YJEFN3: variants seen among roughly 807,000 people sequenced by gnomAD.
YJEFN3 encodes the protein YjeF N-terminal domain containing 3.
Under a neutral mutation model 31.5 loss-of-function variants are expected in YJEFN3, and 29 were observed. The observed-to-expected ratio is 0.92, with a 90% CI of 0.69 to 1.26. YJEFN3 has a LOEUF of 1.26. YJEFN3 is among the 50% of genes most tolerant of loss of function. YJEFN3 has a pLI of 0.00. For missense variants in YJEFN3, 442 were observed against 425.4 expected (o/e 1.04, Z -0.34); for synonymous variants, 227 against 196.1 (o/e 1.16, Z -1.32).
Position 19,537,411 on chromosome 19 carries a change from T to C in YJEFN3, c.787T>C (p.Phe263Leu), listed in dbSNP as rs545964787. Residue 263 changes from phenylalanine to leucine, a missense_variant, in exon 7 of 7, where the codon TTC (phenylalanine) becomes CTC (leucine). Phe to Leu is a conservative substitution (Grantham distance 22). Coordinates refer to ENST00000514277, the MANE Select transcript of YJEFN3 (RefSeq NM_198537.4). ...LAAPKRCAGR[F>L]SGRHHFVAGR... ...GGCGCCCAAGCGCTGCGCTGGCCGC[T>C]TCTCCGGGCGCCACCACTTCGTGGC... The C allele has an allele frequency of 1.4e-4, 215 of 1,592,074 alleles. 8 individuals carry two copies. The highest frequency in any genetic ancestry group is 1.3e-3 in the South Asian group (114 of 89,492).
chr19:19,529,597 G>C, intron 2 of YJEFN3, 84 bp downstream of exon 2: 1 of 1,545,686 alleles, frequency 6.5e-7, no homozygotes, highest in Non-Finnish European at 8.7e-7. Flanking sequence ...TGGGACCCCA[G>C]GCAAGGCTGT....
At chr19:19,531,000 C>G (rs186643873) in intron 2 of YJEFN3, among the ~76,000 whole-genome samples, 1 of 152,286 alleles carries the variant, frequency 6.6e-6, no homozygotes, top group East Asian at 1.9e-4. Flanking sequence ...ATACCAGGCT[C>G]CTCCCCACCC....
At chr19:19,530,674 C>T (rs2144655352) in intron 2 of YJEFN3, among the ~76,000 whole-genome samples, 1 of 152,250 alleles carries the variant, frequency 6.6e-6, no homozygotes, top group Admixed American at 6.5e-5. Flanking sequence ...GCAAACGCAC[C>T]TCCTATGTGC....
In YJEFN3 at chr19:19,529,964, T is replaced by C. The variant is rs550132751; in HGVS notation, c.209+451T>C. Among the ~76,000 whole-genome samples, 72 of 152,294 alleles carry C rather than the reference T, an allele frequency of 4.7e-4. 1 individual carries two copies. The Middle Eastern group carries it at 0.01, about 22-fold the overall frequency. Reference sequence around the variant, plus strand: ...GTGATGCAATCTGGTGTTCGAGTTTTCAAAGCCCCCCCAGGCTCATGTTGA... The same window carrying C: ...GTGATGCAATCTGGTGTTCGAGTTTCCAAAGCCCCCCCAGGCTCATGTTGA... On this transcript the variant is annotated intron_variant, in intron 2 of 6. Transcript: ENST00000514277.
intron 1 of YJEFN3, 118 bp downstream of exon 1, chr19:19,529,109 G>C: frequency 6.7e-7 from 1 of 1,486,242 alleles, no homozygotes; most frequent in Non-Finnish European, 9.0e-7. Context: ...ACTGGAGACG[G>C]GCACAGCCGG....
At chr19:19,533,548 C>G in intron 3 of YJEFN3, 1 of 734,958 alleles carries the variant, frequency 1.4e-6, no homozygotes, top group Non-Finnish European at 1.7e-6. Context: ...CCTTCCTCTC[C>G]CTCCTCCTCC....
Position 19,537,450 on chromosome 19 carries a change from C to T in YJEFN3, c.826C>T (p.Pro276Ser), listed in dbSNP as rs865930432. The T allele has an allele frequency of 1.3e-6, 2 of 1,587,168 alleles. No individual in the cohort carries two copies. The highest frequency in any genetic ancestry group is 1.3e-5 in the African/African-American group (1 of 74,604). ...RHHFVAGRFV[P>S]DDVRRKFALR... The stretch of plus-strand genomic sequence containing the variant: ...CCACTTCGTGGCCGGCAGGTTCGTG[C>T]CCGATGACGTGCGCCGCAAGTTCGC... Residue 276 changes from proline to serine, a missense_variant, in exon 7 of 7, where the codon CCC (proline) becomes TCC (serine). Transcript: ENST00000514277.
intron 6 of YJEFN3, among the ~76,000 whole-genome samples, chr19:19,537,095 G>C (rs970577867): frequency 6.6e-6 from 1 of 151,934 alleles, no homozygotes; most frequent in Non-Finnish European, 1.5e-5. Context: ...GAGGGCGGAG[G>C]CAGAGTTCTA....
intron 1 of YJEFN3, 180 bp from the exon 2 acceptor site, chr19:19,529,184 C>G: frequency 6.9e-7 from 1 of 1,450,342 alleles, no homozygotes; most frequent in South Asian, 1.5e-5. Flanking sequence ...ATGGCCAAGA[C>G]GGGCCTGGGA....
In YJEFN3 at chr19:19,535,004, C is replaced by A. The variant is rs535872606; in HGVS notation, c.319-30C>A. 4.5e-6 allele frequency: 7 copies of A among 1,548,962 alleles called. No individual in the cohort carries two copies. The South Asian group carries it at 8.6e-5, about 19-fold the overall frequency. On this transcript the variant is annotated intron_variant, in intron 3 of 6. Transcript: ENST00000514277. ...AGGCAAGGAGGAATCTGGACTGTGC[C>A]TGTGCCTTTGCTGTGTCCCCTACCA...
rs910298629 is a variant in YJEFN3, at chr19:19,528,923, C to T, written c.-10C>T. On this transcript the variant is annotated 5_prime_UTR_variant, in exon 1 of 7. Coordinates refer to ENST00000514277, the MANE Select transcript of YJEFN3 (RefSeq NM_198537.4). ...GGCGGCAGCGCCCGGCGCCCGGGCT[C>T]ACCTCGGCCATGAGCAGCGCAGCCG... 3.9e-6 allele frequency: 6 copies of T among 1,547,726 alleles called. No individual in the cohort carries two copies. In the African/African-American group the frequency reaches 4.1e-5, roughly 11 times the overall value.
At chr19:19,529,831 A>G (rs2061137083) in intron 2 of YJEFN3, among the ~76,000 whole-genome samples, 1 of 152,152 alleles carries the variant, frequency 6.6e-6, no homozygotes, top group Non-Finnish European at 1.5e-5. Context: ...GTAGTGGGGA[A>G]CTGGCTGACG....
chr19:19,532,874 TA>T, intron 3 of YJEFN3, 134 bp downstream of exon 3: 1 of 1,091,044 alleles, frequency 9.2e-7, no homozygotes, highest in Non-Finnish European at 1.3e-6. Flanking sequence ...GCCTGATGGG[TA>T]AACTGAGGCC....
At chr19:19,531,834 C>T (rs1482387996) in intron 2 of YJEFN3, among the ~76,000 whole-genome samples, 1 of 143,434 alleles carries the variant, frequency 7.0e-6, no homozygotes, top group Non-Finnish European at 1.5e-5. Context: ...CGGGTTCAAG[C>T]GATTCTCCAG....
At chr19:19,533,284 G>T in intron 3 of YJEFN3, 1 of 986,022 alleles carries the variant, frequency 1.0e-6, no homozygotes, top group Non-Finnish European at 1.2e-6. Flanking sequence ...CGTGCAGCCA[G>T]CAGTGCTGGG....
rs1264681792 is a variant in YJEFN3, at chr19:19,534,617, G to C, written c.319-417G>C. The C allele has an allele frequency of 6.2e-6, 1 of 160,734 alleles. No individual in the cohort carries two copies. Among genetic ancestry groups the C allele is most frequent in the East Asian group, 1.8e-4 (1 of 5,588 alleles). The allele number at this position is 160,734 out of a possible 1,614,324, so 10.0% of individuals were successfully genotyped here. A position where few individuals can be genotyped will look rare whatever the true frequency, so the allele number is the denominator to read the frequency against. On this transcript the variant is annotated intron_variant, in intron 3 of 6. Transcript: ENST00000514277. The surrounding 1 kb of genome is among the most constrained non-coding windows in gnomAD (Gnocchi z 4.6). ...AGAGACACAGAGACAGCCAGAGAGA[G>C]ACAGAGAGGCCCCAGGGCATCGTGG...
At position 19,535,379 on chromosome 19, in the gene YJEFN3, C is replaced by T. The variant is rs776797638; in HGVS notation, c.472C>T (p.Leu158=). The change falls in exon 5 of 7, where the codon CTG becomes TTG. Residue 158 remains leucine (L), a synonymous_variant. Coordinates refer to ENST00000514277, the MANE Select transcript of YJEFN3 (RefSeq NM_198537.4). The part of the protein sequence containing the change: ...TIFYPTRSLD[L]LHRDLTTQCE... Reference sequence around the variant, plus strand: ...CTTCTACCCCACACGCTCGCTGGACCTGCTGCATCGGGACCTGACCACCCA... The same window carrying T: ...CTTCTACCCCACACGCTCGCTGGACTTGCTGCATCGGGACCTGACCACCCA... 3.7e-6 allele frequency: 6 copies of T among 1,614,012 alleles called. No homozygotes were observed. The highest frequency in any genetic ancestry group is 2.2e-5 in the East Asian group (1 of 44,874).
rs1380381071 is a variant in YJEFN3 at position 19,537,563 on chromosome 19, A to G, written c.*39A>G. On this transcript the variant is annotated 3_prime_UTR_variant, in exon 7 of 7. Transcript: ENST00000514277. ...CCACACCGCAGGGACCCTCGCCAAT[A>G]AACAGCCCTCCCACCACCGCCGCCT... 18 of 1,486,418 alleles carry G rather than the reference A, an allele frequency of 1.2e-5. No homozygotes were observed. The highest frequency in any genetic ancestry group is 1.5e-5 in the Non-Finnish European group (17 of 1,117,170). 92.1% of individuals were successfully genotyped at this position (1,486,418 alleles called of 1,614,324 possible).
At chr19:19,535,250 T>C in intron 4 of YJEFN3, 87 bp from the exon 5 acceptor site, 1 of 1,514,802 alleles carries the variant, frequency 6.6e-7, no homozygotes, top group Non-Finnish European at 9.1e-7. Context: ...GGCCAGGTTA[T>C]AGAATATGCC....
Sources: gnomAD v4.1 joint callset for allele counts (sites outside exome capture counted in the v4.1 genomes callset) on GRCh38, gnomAD v4.1.1 for gene constraint, Gnocchi (gnomAD v3.1) non-coding constraint, MANE v1.5 for transcripts, NCBI Gene and HGNC (gene_info 2026-07-23, HGNC 2026-07-21) for gene names.